The following NMNAT2 variants were observed in gnomAD, a reference collection of about 807,000 sequenced individuals.
The protein encoded by NMNAT2 is nicotinamide/nicotinic acid mononucleotide adenylyltransferase 2.
In NMNAT2, 11 loss-of-function variants were observed where a neutral mutation model predicts 41.6. The observed-to-expected ratio is 0.26, with a 90% CI of 0.17 to 0.44. The LOEUF (loss-of-function observed/expected upper bound fraction) is 0.44, where lower values mean the gene tolerates loss of function less well. Among genes scored for constraint, NMNAT2 ranks in the 20% least tolerant of loss-of-function variants. NMNAT2 has a pLI of 1.00. For missense variants in NMNAT2, 288 were observed against 407.7 expected (o/e 0.71, Z 2.53); for synonymous variants, 148 against 151.2 (o/e 0.98, Z 0.16).
intron 7 of NMNAT2, chr1:183,283,651 T>A: frequency 2.8e-6 from 1 of 361,702 alleles, no homozygotes; most frequent in Non-Finnish European, 5.4e-6. Flanking sequence ...GGTGCTCTTC[T>A]GCCTCATTTG....
At chr1:183,274,605 G>A (rs547778250) in intron 8 of NMNAT2, among the ~76,000 whole-genome samples, 2 of 151,906 alleles carry the variant, frequency 1.3e-5, no homozygotes, top group East Asian at 2.0e-4. Flanking sequence ...GAGTCACCAC[G>A]CCTGGCCTGA....
At chr1:183,357,465 A>G (rs1663220540) in intron 1 of NMNAT2, among the ~76,000 whole-genome samples, 2 of 151,840 alleles carry the variant, frequency 1.3e-5, no homozygotes, top group South Asian at 2.1e-4. Context: ...TCCTGACCTC[A>G]TGATCCACCC....
chr1:183,364,795 G>A (rs1032531757), intron 1 of NMNAT2, among the ~76,000 whole-genome samples: 1 of 152,044 alleles, frequency 6.6e-6, no homozygotes, highest in African/African-American at 2.4e-5. Flanking sequence ...AGGTTCAAGC[G>A]ATTCTCCTGC....
chr1:183,280,726 C>T (rs923538215), intron 7 of NMNAT2, among the ~76,000 whole-genome samples: 3 of 143,448 alleles, frequency 2.1e-5, no homozygotes, highest in African/African-American at 5.2e-5. Flanking sequence ...TTTTTTTTGG[C>T]GACTTTTTTT....
intron 1 of NMNAT2, among the ~76,000 whole-genome samples, chr1:183,405,220 T>TA (rs1282718028): frequency 2.6e-5 from 4 of 151,758 alleles, no homozygotes; most frequent in Non-Finnish European, 5.9e-5. Context: ...ACTCTGTCTT[T>TA]AAAAAAAATG....
chr1:183,371,522 TG>T (rs1224600595), intron 1 of NMNAT2, among the ~76,000 whole-genome samples: 10 of 151,988 alleles, frequency 6.6e-5, no homozygotes, highest in Non-Finnish European at 1.0e-4. Flanking sequence ...ACCCCTCTGG[TG>T]GGGGATGTTG....
chr1:183,252,701 C>G lies in NMNAT2; in HGVS notation c.864G>C (p.Leu288=). Residue 288 remains leucine (L), a synonymous_variant, in exon 11 of 11, where the codon CTG becomes CTC. Coordinates refer to ENST00000287713, the MANE Select transcript of NMNAT2 (RefSeq NM_015039.4). ...QHGDGHVVDY[L]SQPVIDYILK... ...GGATGTAGTCGATGACCGGCTGGGA[C>G]AGGTAATCCACAACATGGCCGTCCC... The G allele has an allele frequency of 6.2e-7, 1 of 1,614,070 alleles. No individual in the cohort carries two copies. The highest frequency in any genetic ancestry group is 8.5e-7 in the Non-Finnish European group (1 of 1,179,978).
At chr1:183,296,271 T>C (rs12077549) in intron 1 of NMNAT2, among the ~76,000 whole-genome samples, 16,187 of 152,252 alleles carry the variant, frequency 0.11, 955 homozygotes, top group Middle Eastern at 0.14. Flanking sequence ...TAAATAAAGC[T>C]GATATGACAT....
rs145290443 is a variant in NMNAT2 at position 183,304,506 on chromosome 1, A to G, written c.86-10713T>C. Among the ~76,000 whole-genome samples the G allele has an allele frequency of 3.8e-4, 58 of 152,312 alleles. 2 individuals carry two copies. The East Asian group carries it at 0.01, about 27-fold the overall frequency. On this transcript the variant is annotated intron_variant, in intron 1 of 10. Coordinates refer to ENST00000287713, the MANE Select transcript of NMNAT2 (RefSeq NM_015039.4). ...AGCAGAAGGTGCGGGCTGGGCTTAC[A>G]TGCATATAGGGATCAGGCTGATGTC...
chr1:183,390,718 C>A (rs992240870), intron 1 of NMNAT2, among the ~76,000 whole-genome samples: 1 of 152,142 alleles, frequency 6.6e-6, no homozygotes, highest in Non-Finnish European at 1.5e-5. Flanking sequence ...ATGAAAGAAA[C>A]AAGTAATTCC....
At chr1:183,368,961 A>G (rs1557891554) in intron 1 of NMNAT2, among the ~76,000 whole-genome samples, 1 of 152,136 alleles carries the variant, frequency 6.6e-6, no homozygotes, top group Non-Finnish European at 1.5e-5. Context: ...ATTAAAATGC[A>G]CAGTCACCAC....
intron 1 of NMNAT2, among the ~76,000 whole-genome samples, chr1:183,326,698 T>C (rs1662471636): frequency 1.3e-5 from 2 of 152,134 alleles, no homozygotes; most frequent in Non-Finnish European, 2.9e-5. Flanking sequence ...GACATGATCT[T>C]ACTCATGAAA....
At chr1:183,388,770 G>A (rs1457313993) in intron 1 of NMNAT2, among the ~76,000 whole-genome samples, 1 of 152,110 alleles carries the variant, frequency 6.6e-6, no homozygotes, top group Admixed American at 6.6e-5. Context: ...ACTACATAAA[G>A]GCAGAGACTT....
intron 1 of NMNAT2, among the ~76,000 whole-genome samples, chr1:183,379,075 T>C (rs1216249276): frequency 2.6e-5 from 2 of 76,360 alleles, no homozygotes; most frequent in African/African-American, 8.3e-5. Flanking sequence ...TATATCTATA[T>C]CTATATCTAT....
chr1:183,397,714 G>A (rs776822022), intron 1 of NMNAT2, among the ~76,000 whole-genome samples: 7 of 152,198 alleles, frequency 4.6e-5, no homozygotes, highest in South Asian at 2.1e-4. Flanking sequence ...TGGATCTCTC[G>A]GCAGAAACTC....
chr1:183,276,912 T>C (rs1661136157), intron 8 of NMNAT2, among the ~76,000 whole-genome samples: 1 of 152,252 alleles, frequency 6.6e-6, no homozygotes, highest in African/African-American at 2.4e-5. Flanking sequence ...GAGAGGACTG[T>C]ATATTTCACA....
At chr1:183,345,438 G>A (rs1662906203) in intron 1 of NMNAT2, among the ~76,000 whole-genome samples, 1 of 152,164 alleles carries the variant, frequency 6.6e-6, no homozygotes, top group Non-Finnish European at 1.5e-5. Flanking sequence ...CTCATGAATG[G>A]ATTAATCCAT....
At chr1:183,379,963 A>G (rs1428246338) in intron 1 of NMNAT2, among the ~76,000 whole-genome samples, 1 of 152,240 alleles carries the variant, frequency 6.6e-6, no homozygotes, top group East Asian at 1.9e-4. Flanking sequence ...TTAGTCCTTC[A>G]TGGAACTGTT....
Position 183,248,519 on chromosome 1 carries a change from C to T in NMNAT2, c.*4122G>A, listed in dbSNP as rs1014145509. ...CTGAATCCTCAGCCCTGGGACTAGA[C>T]TAAGGTTGAGGGAAAGAGCCGTTAA... is the stretch of plus-strand genomic sequence containing the variant. On this transcript the variant is annotated 3_prime_UTR_variant, in exon 11 of 11. Transcript: ENST00000287713. 6.6e-6 allele frequency: 1 copy of T among 152,464 alleles called. No homozygotes were observed. The highest frequency in any genetic ancestry group is 1.5e-5 in the Non-Finnish European group (1 of 68,036). 9.4% of individuals were successfully genotyped at this position (152,464 alleles called of 1,614,324 possible). A position where few individuals can be genotyped will look rare whatever the true frequency, so the allele number is the denominator to read the frequency against.
Sources: gnomAD v4.1 joint callset for allele counts (sites outside exome capture counted in the v4.1 genomes callset) on GRCh38, gnomAD v4.1.1 for gene constraint, MANE v1.5 for transcripts, NCBI Gene and HGNC (gene_info 2026-07-23, HGNC 2026-07-21) for gene names.